Variants in SDK1 observed in about 807,000 individuals in gnomAD.
SDK1 encodes the protein protein sidekick-1.
SDK1 carries 157 observed loss-of-function variants against 245.5 expected under a neutral mutation model. The ratio of observed to expected loss-of-function variants is 0.64; its 90% CI spans 0.56 to 0.73. SDK1 has a LOEUF of 0.73. Among genes scored for constraint, SDK1 ranks in the 30% least tolerant of loss-of-function variants. SDK1 has a pLI of 0.00. For missense variants in SDK1, 3,583 were observed against 3,002.3 expected, an observed-to-expected ratio of 1.19 and a Z score of -4.52; for synonymous variants, 1,647 against 1,278.5, an observed-to-expected ratio of 1.29 and a Z score of -6.15.
chr7:3,510,998 G>A (rs1367355458), intron 1 of SDK1, among the ~76,000 whole-genome samples: 2 of 152,214 alleles, frequency 1.3e-5, no homozygotes, highest in Admixed American at 6.5e-5. Context: ...CTGCTGTCTT[G>A]AAGAGTGTAG....
At chr7:3,828,524 C>T (rs1334499792) in intron 5 of SDK1, among the ~76,000 whole-genome samples, 3 of 151,454 alleles carry the variant, frequency 2.0e-5, no homozygotes, top group African/African-American at 4.8e-5. Flanking sequence ...ATTTGTAATA[C>T]TTTAAAAAAT....
intron 1 of SDK1, among the ~76,000 whole-genome samples, chr7:3,582,406 C>T (rs1262883576): frequency 6.7e-6 from 1 of 148,478 alleles, no homozygotes; most frequent in Admixed American, 6.7e-5. Flanking sequence ...TCAGGTAGGT[C>T]TCCCTCAGGT....
chr7:3,862,127 C>G (rs1174097543), intron 5 of SDK1, among the ~76,000 whole-genome samples: 1 of 152,194 alleles, frequency 6.6e-6, no homozygotes, highest in Non-Finnish European at 1.5e-5. Flanking sequence ...ATGGACAGAT[C>G]CATCTACTTA....
At chr7:3,326,380 A>C (rs1043550629) in intron 1 of SDK1, among the ~76,000 whole-genome samples, 1 of 152,168 alleles carries the variant, frequency 6.6e-6, no homozygotes. Flanking sequence ...ATTATTTTCA[A>C]TGGATGTATG....
intron 5 of SDK1, among the ~76,000 whole-genome samples, chr7:3,908,205 G>A (rs1353481709): frequency 6.6e-6 from 1 of 152,152 alleles, no homozygotes; most frequent in African/African-American, 2.4e-5. Flanking sequence ...CGCATAACCC[G>A]GATGAGCGCC....
chr7:3,731,948 C>G (rs184175408), intron 4 of SDK1, among the ~76,000 whole-genome samples: 366 of 152,242 alleles, frequency 2.4e-3, no homozygotes, highest in Non-Finnish European at 3.6e-3. Context: ...CCCACCACCA[C>G]GCCTAGATAA....
intron 17 of SDK1, among the ~76,000 whole-genome samples, chr7:4,019,217 A>G (rs1786671066): frequency 6.6e-6 from 1 of 152,164 alleles, no homozygotes; most frequent in South Asian, 2.1e-4. Context: ...GGCAAGTTTC[A>G]TTTTCAGACA....
chr7:3,810,209 G>C (rs559607714), intron 4 of SDK1, among the ~76,000 whole-genome samples: 1 of 152,290 alleles, frequency 6.6e-6, no homozygotes, highest in Non-Finnish European at 1.5e-5. Flanking sequence ...CTACTTTTTA[G>C]ACGCCTTTCT....
chr7:3,307,297 C>T (rs1012510992), intron 1 of SDK1, among the ~76,000 whole-genome samples: 2 of 152,006 alleles, frequency 1.3e-5, no homozygotes, highest in Non-Finnish European at 2.9e-5. Context: ...CATATTTTGT[C>T]AGTTGGGACA....
At chr7:4,033,515 T>C (rs1169321601) in intron 17 of SDK1, among the ~76,000 whole-genome samples, 1 of 152,040 alleles carries the variant, frequency 6.6e-6, no homozygotes, top group Non-Finnish European at 1.5e-5. Context: ...AAAAATACAA[T>C]GAGCAAAGGA....
intron 1 of SDK1, among the ~76,000 whole-genome samples, chr7:3,466,682 C>T: frequency 6.6e-6 from 1 of 151,448 alleles, no homozygotes. Context: ...AACTGGCTCC[C>T]TTCTTTTGTA....
intron 4 of SDK1, among the ~76,000 whole-genome samples, chr7:3,693,183 G>A (rs1432332582): frequency 1.3e-5 from 2 of 151,806 alleles, no homozygotes; most frequent in Non-Finnish European, 2.9e-5. Flanking sequence ...CATTTATAAT[G>A]CTACTTTGAG....
chr7:3,836,325 T>A (rs964900849), intron 5 of SDK1, among the ~76,000 whole-genome samples: 21 of 152,224 alleles, frequency 1.4e-4, no homozygotes, highest in Non-Finnish European at 2.9e-5. Context: ...AAGTCACATA[T>A]ATAACTTATA....
At chr7:3,524,364 A>T (rs368180542) in intron 1 of SDK1, among the ~76,000 whole-genome samples, 1 of 152,200 alleles carries the variant, frequency 6.6e-6, no homozygotes. Context: ...GGTGGCAAGG[A>T]TGGAAGCGGG....
At chr7:3,652,196 C>T (rs1041315559) in intron 4 of SDK1, among the ~76,000 whole-genome samples, 2 of 152,182 alleles carry the variant, frequency 1.3e-5, no homozygotes, top group Admixed American at 1.3e-4. Context: ...AGAGAAACCG[C>T]GCGTGTCTCT....
intron 22 of SDK1, among the ~76,000 whole-genome samples, chr7:4,090,587 C>G (rs1350784823): frequency 6.6e-6 from 1 of 152,122 alleles, no homozygotes; most frequent in Non-Finnish European, 1.5e-5. Context: ...CTTTTGATGT[C>G]TCCATCATTC....
chr7:3,568,010 C>T (rs1443668174), intron 1 of SDK1, among the ~76,000 whole-genome samples: 4 of 151,878 alleles, frequency 2.6e-5, no homozygotes, highest in Admixed American at 2.0e-4. Flanking sequence ...TTGCAGAGAC[C>T]AGGTCTCACT....
chr7:3,462,212 C>T (rs146367416), intron 1 of SDK1, among the ~76,000 whole-genome samples: 71 of 152,264 alleles, frequency 4.7e-4, no homozygotes, highest in African/African-American at 1.6e-3. Context: ...TCTCACTCCT[C>T]AGCAGCATTC....
At chr7:3,819,643 A>C (rs1028553815) in intron 4 of SDK1, among the ~76,000 whole-genome samples, 1 of 152,146 alleles carries the variant, frequency 6.6e-6, no homozygotes, top group African/African-American at 2.4e-5. Context: ...GTCATAAATA[A>C]TTATAATAAA....
Sources: gnomAD v4.1 joint callset for allele counts (sites outside exome capture counted in the v4.1 genomes callset) on GRCh38, gnomAD v4.1.1 for gene constraint, MANE v1.5 for transcripts, NCBI Gene and HGNC (gene_info 2026-07-23, HGNC 2026-07-21) for gene names.